FRMPD4: variants seen among roughly 807,000 people sequenced by gnomAD.
FRMPD4 encodes FERM and PDZ domain-containing protein 4.
In FRMPD4, 22 loss-of-function variants were observed where a neutral mutation model predicts 94.1. The observed-to-expected ratio is 0.23, with a 90% CI of 0.17 to 0.33. The LOEUF is 0.33. Ranked by LOEUF, FRMPD4 falls within the 10% of genes least tolerant of loss-of-function variation. FRMPD4 has a pLI of 1.00. For missense variants in FRMPD4, 1,111 were observed against 1,339.9 expected, an observed-to-expected ratio of 0.83 and a Z score of 2.67; for synonymous variants, 631 against 548.6, an observed-to-expected ratio of 1.15 and a Z score of -2.10.
chrX:11,989,745 A>G (rs111546708), intron 3 of FRMPD4, among the ~76,000 whole-genome samples: 1,139 of 111,810 alleles, frequency 0.01, 18 homozygotes, highest in African/African-American at 0.035. Context: ...AAAGTATCTC[A>G]TGTACCCCAT....
intron 1 of FRMPD4, among the ~76,000 whole-genome samples, chrX:12,224,048 A>C (rs1234905761): frequency 9.2e-6 from 1 of 109,075 alleles, no homozygotes; most frequent in Non-Finnish European, 1.9e-5. Context: ...GCCTCTATCT[A>C]GTAGATGCCA....
chrX:12,417,993 C>CAAAAAAA (rs757060426), intron 1 of FRMPD4, among the ~76,000 whole-genome samples: 4 of 34,044 alleles, frequency 1.2e-4, no homozygotes, highest in Admixed American at 3.7e-4. Flanking sequence ...GACTCTGTCT[C>CAAAAAAA]AAAAAAAAAA....
intron 1 of FRMPD4, among the ~76,000 whole-genome samples, chrX:12,212,067 C>A (rs1365956958): frequency 9.0e-6 from 1 of 111,684 alleles, no homozygotes; most frequent in Non-Finnish European, 1.9e-5. Flanking sequence ...CTCCCCACAG[C>A]CATCCTTCCC....
chrX:12,076,149 C>A (rs1295554807), intron 3 of FRMPD4, among the ~76,000 whole-genome samples: 1 of 111,415 alleles, frequency 9.0e-6, no homozygotes, highest in African/African-American at 3.3e-5. Context: ...TGGAAGTTGG[C>A]TGCAGCATAT....
chrX:11,835,752 T>C (rs1034036456), intron 1 of FRMPD4, among the ~76,000 whole-genome samples: 1 of 112,280 alleles, frequency 8.9e-6, no homozygotes, highest in Admixed American at 9.5e-5. Flanking sequence ...TTCTTTCTGG[T>C]AACTCCTGCC....
chrX:12,505,017 G>A (rs1240383736), intron 2 of FRMPD4, among the ~76,000 whole-genome samples: 1 of 111,679 alleles, frequency 9.0e-6, no homozygotes, highest in Non-Finnish European at 1.9e-5. Flanking sequence ...GTTAGCTAGT[G>A]CACTGGGTCG....
intron 3 of FRMPD4, among the ~76,000 whole-genome samples, chrX:12,094,720 AAC>A (rs1201316231): frequency 1.8e-5 from 2 of 112,478 alleles, no homozygotes; most frequent in Non-Finnish European, 3.8e-5. Context: ...TCTCATTGAT[AAC>A]ACAGACATGA....
chrX:12,400,540 T>C (rs2056596608), intron 1 of FRMPD4, among the ~76,000 whole-genome samples: 1 of 112,170 alleles, frequency 8.9e-6, no homozygotes, highest in African/African-American at 3.2e-5. Context: ...AACTATAAAG[T>C]GTGATTTTGA....
At chrX:12,066,528 G>A (rs762704864) in intron 3 of FRMPD4, among the ~76,000 whole-genome samples, 8 of 111,593 alleles carry the variant, frequency 7.2e-5, no homozygotes, top group Non-Finnish European at 1.3e-4. Context: ...TAAACAACTT[G>A]AGTTCTGTTT....
chrX:12,720,619 A>T lies in FRMPD4; in HGVS notation c.4050A>T (p.Pro1350=), dbSNP rs1056739726. The T allele has an allele frequency of 8.4e-7, 1 of 1,188,462 alleles. No individual in the cohort carries two copies. Among genetic ancestry groups the T allele is most frequent in the East Asian group, 3.0e-5 (1 of 33,440 alleles). Reference sequence around the variant, plus strand: ...CTGAAGCTGATCCCATCCTGCTACCATCAAACATTCACTCGGAATCAAAGG... The same window carrying T: ...CTGAAGCTGATCCCATCCTGCTACCTTCAAACATTCACTCGGAATCAAAGG... ...QHPEADPILL[P]SNIHSESKVP... The change falls in exon 17 of 17, where the codon CCA becomes CCT. Residue 1350 remains proline (P), a synonymous_variant. Transcript: ENST00000675598.
chrX:12,063,853 C>A (rs2054901785), intron 3 of FRMPD4, among the ~76,000 whole-genome samples: 1 of 112,657 alleles, frequency 8.9e-6, no homozygotes, highest in African/African-American at 3.2e-5. Flanking sequence ...CCTTATTTTG[C>A]AAATTTATAT....
chrX:12,388,956 T>C (rs756303978), intron 1 of FRMPD4, among the ~76,000 whole-genome samples: 13 of 105,861 alleles, frequency 1.2e-4, no homozygotes, highest in Admixed American at 1.1e-3. Context: ...ATAAGCCAGG[T>C]ACAGCAAGAC....
intron 2 of FRMPD4, among the ~76,000 whole-genome samples, chrX:12,541,383 T>G (rs184299725): frequency 0.021 from 2,271 of 109,832 alleles, 49 homozygotes; most frequent in African/African-American, 0.069. Flanking sequence ...ACCAAATAGA[T>G]GCAATAAAAA....
intron 2 of FRMPD4, among the ~76,000 whole-genome samples, chrX:12,559,120 G>A (rs1243751419): frequency 8.9e-6 from 1 of 112,241 alleles, no homozygotes; most frequent in Non-Finnish European, 1.9e-5. Flanking sequence ...TACTGTGTCA[G>A]ATTTAGGTTA....
chrX:12,078,473 G>A (rs1181473849), intron 3 of FRMPD4, among the ~76,000 whole-genome samples: 2 of 111,522 alleles, frequency 1.8e-5, no homozygotes, highest in Admixed American at 1.9e-4. Context: ...CTCTCTTCTT[G>A]TACCACAAAC....
chrX:12,190,948 G>A (rs1335953079), intron 1 of FRMPD4, among the ~76,000 whole-genome samples: 2 of 111,590 alleles, frequency 1.8e-5, no homozygotes, highest in African/African-American at 6.5e-5. Context: ...AAAAGACACT[G>A]TTCAGAGAAT....
chrX:12,277,856 T>C (rs746719990), intron 1 of FRMPD4, among the ~76,000 whole-genome samples: 1 of 112,323 alleles, frequency 8.9e-6, no homozygotes, highest in African/African-American at 3.2e-5. Context: ...TCAATACCCA[T>C]GTGCAGGAGG....
At chrX:12,644,210 C>T (rs752096576) in intron 4 of FRMPD4, among the ~76,000 whole-genome samples, 2 of 111,487 alleles carry the variant, frequency 1.8e-5, no homozygotes, top group Non-Finnish European at 3.8e-5. Context: ...GGTGGGACTA[C>T]AGTCATGTGC....
At chrX:12,647,815 C>T (rs12863261) in intron 4 of FRMPD4, among the ~76,000 whole-genome samples, 1,741 of 111,288 alleles carry the variant, frequency 0.016, 19 homozygotes, top group South Asian at 0.051. Flanking sequence ...AGTCATTATT[C>T]TCTCAACCTA....
Sources: gnomAD v4.1 joint callset for allele counts (sites outside exome capture counted in the v4.1 genomes callset) on GRCh38, gnomAD v4.1.1 for gene constraint, MANE v1.5 for transcripts, NCBI Gene and HGNC (gene_info 2026-07-23, HGNC 2026-07-21) for gene names.